AOAH: variants seen among roughly 807,000 people sequenced by gnomAD.
The protein encoded by AOAH is acyloxyacyl hydrolase (neutrophil).
A neutral mutation model predicts 92.2 loss-of-function variants in AOAH; 64 were observed. The ratio of observed to expected loss-of-function variants is 0.69; its 90% CI spans 0.57 to 0.86. The LOEUF (loss-of-function observed/expected upper bound fraction) is 0.86, where lower values mean the gene tolerates loss of function less well. Ranked by LOEUF, AOAH falls within the 40% of genes least tolerant of loss-of-function variation. AOAH has a pLI of 0.00. For synonymous variants in AOAH, 263 were observed against 254.5 expected (o/e 1.03, Z -0.32); for missense variants, 656 against 694.6 (o/e 0.94, Z 0.62).
chr7:36,595,937 G>A (rs1408942916), intron 11 of AOAH, among the ~76,000 whole-genome samples: 2 of 152,156 alleles, frequency 1.3e-5, no homozygotes, highest in African/African-American at 4.8e-5. Context: ...CAAAACAATT[G>A]TAGCTTTAGC....
At chr7:36,621,652 C>A in intron 8 of AOAH, 58 bp downstream of exon 8, 1 of 1,518,236 alleles carries the variant, frequency 6.6e-7, no homozygotes, top group Non-Finnish European at 9.2e-7. Flanking sequence ...GGAAATGTGC[C>A]TCCTGCTTCC....
chr7:36,601,336 A>T (rs1259734651), intron 11 of AOAH, among the ~76,000 whole-genome samples: 1 of 152,064 alleles, frequency 6.6e-6, no homozygotes, highest in Admixed American at 6.6e-5. Context: ...TTCATTATAC[A>T]CACAGAGGCA....
chr7:36,654,588 C>A (rs1794770842), intron 4 of AOAH, among the ~76,000 whole-genome samples: 1 of 152,156 alleles, frequency 6.6e-6, no homozygotes, highest in South Asian at 2.1e-4. Context: ...GCGCTATGAG[C>A]TCCCTGCTAC....
chr7:36,620,362 AAT>A (rs1792191939), intron 9 of AOAH, among the ~76,000 whole-genome samples: 1 of 152,070 alleles, frequency 6.6e-6, no homozygotes, highest in Non-Finnish European at 1.5e-5. Flanking sequence ...TGGTCGGGTA[AAT>A]ACTGAGTAAT....
At chr7:36,561,588 T>C (rs561520466) in intron 13 of AOAH, among the ~76,000 whole-genome samples, 3 of 152,250 alleles carry the variant, frequency 2.0e-5, no homozygotes, top group Admixed American at 2.0e-4. Context: ...GGCTGGGCCC[T>C]TCATTCAGTT....
chr7:36,628,824 C>T (rs755713487), intron 6 of AOAH, among the ~76,000 whole-genome samples: 43 of 152,178 alleles, frequency 2.8e-4, no homozygotes, highest in Non-Finnish European at 4.4e-4. Context: ...GTCTCTACCA[C>T]GTGAGGACTC....
At chr7:36,581,042 G>T (rs569822199) in intron 12 of AOAH, among the ~76,000 whole-genome samples, 2 of 152,166 alleles carry the variant, frequency 1.3e-5, no homozygotes, top group African/African-American at 2.4e-5. Flanking sequence ...TCTTATTCCA[G>T]AGTATGGGAG....
intron 12 of AOAH, among the ~76,000 whole-genome samples, chr7:36,583,839 C>G (rs990006290): frequency 6.6e-6 from 1 of 152,062 alleles, no homozygotes; most frequent in Non-Finnish European, 1.5e-5. Context: ...CCTGGCCTTT[C>G]CCAGCCCCAG....
intron 2 of AOAH, among the ~76,000 whole-genome samples, chr7:36,678,797 G>T (rs767681094): frequency 5.9e-5 from 9 of 152,150 alleles, no homozygotes; most frequent in Admixed American, 2.0e-4. Context: ...CAATCCGTAA[G>T]GGTACAAAGC....
intron 19 of AOAH, among the ~76,000 whole-genome samples, chr7:36,526,355 G>A (rs1487142048): frequency 6.6e-6 from 1 of 152,230 alleles, no homozygotes; most frequent in Non-Finnish European, 1.5e-5. Flanking sequence ...GGGAGCTTCA[G>A]TAACTCACAG....
intron 12 of AOAH, among the ~76,000 whole-genome samples, chr7:36,584,407 T>C (rs1789156161): frequency 6.6e-6 from 1 of 152,346 alleles, no homozygotes; most frequent in South Asian, 2.1e-4. Flanking sequence ...CTGTAGAGTG[T>C]TCATTTACTT....
chr7:36,522,008 C>G, intron 20 of AOAH, 31 bp downstream of exon 20: 1 of 1,578,656 alleles, frequency 6.3e-7, no homozygotes, highest in Non-Finnish European at 8.7e-7. Flanking sequence ...CATCAAATAG[C>G]CTTCTGCAGC....
rs117307769 is a variant in AOAH at position 36,519,790 on chromosome 7, G to A, written c.1599+2249C>T. 3.6e-3 allele frequency among the ~76,000 whole-genome samples: 551 copies of A among 152,276 alleles called. 2 individuals are homozygous for A. The highest frequency in any genetic ancestry group is 6.4e-3 in the Non-Finnish European group (437 of 68,014). ...ACCCCATAATGCTCTGTGGTGTTCT[G>A]TACTTGCACAGTTGGAGGCATTTAC... On this transcript the variant is annotated intron_variant, in intron 20 of 20. Transcript: ENST00000617537.
chr7:36,655,244 T>C (rs543116732), intron 4 of AOAH, among the ~76,000 whole-genome samples: 2 of 152,386 alleles, frequency 1.3e-5, no homozygotes, highest in South Asian at 4.1e-4. Context: ...ATTAAATGCA[T>C]GAATACACAT....
Position 36,598,544 on chromosome 7 carries a change from G to A in AOAH, c.847-4114C>T, listed in dbSNP as rs1219673560. 2.6e-5 allele frequency among the ~76,000 whole-genome samples: 4 copies of A among 152,222 alleles called. No individual in the cohort carries two copies. The East Asian group carries it at 7.7e-4, about 29-fold the overall frequency. On this transcript the variant is annotated intron_variant, in intron 11 of 20. Coordinates refer to ENST00000617537, the MANE Select transcript of AOAH (RefSeq NM_001637.4). ...GACCAAAAGACACAGTCAGAAGCAG[G>A]TTGACAAGTCAGAGCCCTACTATGT...
chr7:36,613,716 A>G (rs971502399), intron 11 of AOAH, among the ~76,000 whole-genome samples: 5 of 152,222 alleles, frequency 3.3e-5, no homozygotes. Flanking sequence ...TAGATCAGGT[A>G]GTTGTTTCAC....
chr7:36,711,072 C>CT (rs1798738966), intron 1 of AOAH, among the ~76,000 whole-genome samples: 2 of 152,248 alleles, frequency 1.3e-5, no homozygotes, highest in Non-Finnish European at 2.9e-5. Context: ...AACCCCATGC[C>CT]TTACTATTGC....
intron 20 of AOAH, among the ~76,000 whole-genome samples, chr7:36,517,207 T>TG (rs1783798941): frequency 8.2e-5 from 3 of 36,426 alleles, no homozygotes; most frequent in African/African-American, 2.3e-4. Flanking sequence ...TCTTTCTTTC[T>TG]TTCTTTCTCT....
chr7:36,633,641 G>A (rs947291730), intron 5 of AOAH, among the ~76,000 whole-genome samples: 4 of 152,116 alleles, frequency 2.6e-5, no homozygotes, highest in African/African-American at 7.2e-5. Context: ...GAGACAGGAC[G>A]GGGAGCAGGG....
Sources: allele counts gnomAD v4.1 joint callset (sites outside exome capture counted in the v4.1 genomes callset), GRCh38; gene constraint gnomAD v4.1.1; transcripts MANE v1.5; gene names NCBI Gene and HGNC (gene_info 2026-07-23, HGNC 2026-07-21).